The following HEATR5A variants were observed in gnomAD, a reference collection of about 807,000 sequenced individuals.
The protein encoded by HEATR5A is HEAT repeat containing 5A, also known as HEAT repeat-containing protein 5A.
Under a neutral mutation model 218.8 loss-of-function variants are expected in HEATR5A, and 178 were observed. The observed-to-expected ratio is 0.81, with a 90% confidence interval of 0.72 to 0.92. HEATR5A has a LOEUF of 0.92. Ranked by LOEUF, HEATR5A falls within the 40% of genes least tolerant of loss-of-function variation. HEATR5A has a pLI of 0.00. For missense variants in HEATR5A, 2,420 were observed against 2,418.9 expected (o/e 1.00, Z -0.01); for synonymous variants, 864 against 871.6 (o/e 0.99, Z 0.15).
At chr14:31,357,947 G>A (rs1901482820) in intron 16 of HEATR5A, among the ~76,000 whole-genome samples, 1 of 152,216 alleles carries the variant, frequency 6.6e-6, no homozygotes, top group African/African-American at 2.4e-5. Context: ...ACAGCAGGAG[G>A]TGAGTGGCGG....
At chr14:31,378,803 A>G (rs1357440933) in intron 11 of HEATR5A, among the ~76,000 whole-genome samples, 232 of 136,974 alleles carry the variant, frequency 1.7e-3, no homozygotes, top group African/African-American at 6.6e-3. Context: ...AAAACAAACA[A>G]AAAAAAAAAA....
At chr14:31,318,384 A>G in intron 25 of HEATR5A, 92 bp from the exon 26 acceptor site, 4 of 904,310 alleles carry the variant, frequency 4.4e-6, no homozygotes, top group Non-Finnish European at 6.8e-6. Context: ...TTATTTATTT[A>G]TAACAGGTAT....
chr14:31,371,471 A>G, intron 13 of HEATR5A: 1 of 162,926 alleles, frequency 6.1e-6, no homozygotes, highest in African/African-American at 2.4e-5. Flanking sequence ...AAAAATATAA[A>G]CAAACAAAAA....
chr14:31,313,119 G>A lies in HEATR5A; in HGVS notation c.4290C>T (p.Asp1430=), dbSNP rs748084873. The change falls in exon 28 of 36, where the codon GAC becomes GAT. Residue 1430 remains aspartate (D), a synonymous_variant. Transcript: ENST00000543095. ...QPLKTTTCLE[D]GIRNGSCSSD... is the part of the protein sequence containing the mutation. ...ATGAACATGATCCATTTCTGATACC[G>A]TCTTCTAAACAGGTGGTAGTCTTCA... 3.0e-5 allele frequency: 49 copies of A among 1,613,654 alleles called. No individual in the cohort carries two copies. Among genetic ancestry groups the A allele is most frequent in the Middle Eastern group, 3.3e-4 (2 of 6,082 alleles).
chr14:31,382,470 G>A (rs2030033190), intron 10 of HEATR5A, among the ~76,000 whole-genome samples: 1 of 152,106 alleles, frequency 6.6e-6, no homozygotes. Flanking sequence ...ACGAGTTTGT[G>A]AGAAGTATGG....
chr14:31,387,247 G>A lies in HEATR5A; in HGVS notation c.1062C>T (p.Ala354=), dbSNP rs773375883. ...HPKATQTQID[A]VCCRRCVSFI... ...ATGAAACACAACGGCGACAGCAGAC[G>A]GCATCGATCTGAGTTTGGGTGGCTT... Residue 354 remains alanine (A), a synonymous_variant, in exon 8 of 36, where the codon GCC becomes GCT. Coordinates refer to ENST00000543095, the MANE Select transcript of HEATR5A (RefSeq NM_015473.4). The A allele has an allele frequency of 8.7e-6, 14 of 1,613,798 alleles. No individual in the cohort carries two copies. Among genetic ancestry groups the A allele is most frequent in the South Asian group, 6.6e-5 (6 of 91,080 alleles).
chr14:31,401,555 G>A (rs1299567304), intron 2 of HEATR5A, among the ~76,000 whole-genome samples: 2 of 152,162 alleles, frequency 1.3e-5, no homozygotes, highest in Non-Finnish European at 2.9e-5. Flanking sequence ...TATGTTGCCT[G>A]GGGTAGAGTG....
chr14:31,293,800 G>T, intron 35 of HEATR5A, 91 bp downstream of exon 35: 2 of 1,131,406 alleles, frequency 1.8e-6, no homozygotes, highest in Non-Finnish European at 2.6e-6. Context: ...GTGAAATACA[G>T]ATATAATGTG....
At chr14:31,326,878 G>A (rs956793240) in intron 22 of HEATR5A, among the ~76,000 whole-genome samples, 1 of 151,752 alleles carries the variant, frequency 6.6e-6, no homozygotes, top group South Asian at 2.1e-4. Flanking sequence ...TTCCTGACCT[G>A]AGGCGATCCA....
intron 6 of HEATR5A, among the ~76,000 whole-genome samples, chr14:31,391,519 A>C (rs2030452552): frequency 6.6e-6 from 1 of 150,584 alleles, no homozygotes; most frequent in Admixed American, 6.6e-5. Context: ...AACTTTTAGT[A>C]AACAAAGGCT....
In HEATR5A at chr14:31,349,772, A is replaced by C. The variant is rs1401898679; in HGVS notation, c.2708+17T>G. ...TTGAAACATAGCCTCTGAATATTAA[A>C]TAAGAAATTCACTTACTTGTCAAAG... On this transcript the variant is annotated intron_variant, in intron 18 of 35. Transcript: ENST00000543095. 1 of 1,576,844 alleles carries C rather than the reference A, an allele frequency of 6.3e-7. No individual in the cohort carries two copies. Among genetic ancestry groups the C allele is most frequent in the Non-Finnish European group, 8.7e-7 (1 of 1,148,406 alleles).
At chr14:31,304,760 T>C in intron 32 of HEATR5A, 145 bp downstream of exon 32, 1 of 832,390 alleles carries the variant, frequency 1.2e-6, no homozygotes, top group South Asian at 1.8e-5. Flanking sequence ...TAAAATGTAA[T>C]CCTAATCTTA....
intron 14 of HEATR5A, among the ~76,000 whole-genome samples, chr14:31,359,279 AGTGTAAGAGT>A (rs1170289434): frequency 0.067 from 6,859 of 102,598 alleles, 219 homozygotes; most frequent in African/African-American, 0.11. Context: ...AACATCTCAA[AGTGTAAGAGT>A]GTGTGTGTGT....
At chr14:31,337,060 T>C (rs1031265784) in intron 22 of HEATR5A, among the ~76,000 whole-genome samples, 3 of 152,220 alleles carry the variant, frequency 2.0e-5, no homozygotes, top group Non-Finnish European at 4.4e-5. Context: ...ACAGTGAAGA[T>C]ATGGTATTAT....
rs1239705246 is a variant in HEATR5A at position 31,293,912 on chromosome 14, T to C, written c.5812A>G (p.Thr1938Ala). 6.2e-7 allele frequency: 1 copy of C among 1,603,594 alleles called. No homozygotes were observed. The highest frequency in any genetic ancestry group is 1.7e-5 in the Admixed American group (1 of 58,440). ...TTACGATGGTGTTCTTCAGCAACAG[T>C]AACCAGTGTTTCTAAGACCTTTATG... Reference protein sequence around the residue: ...EGIKVLETLVTVAEEHHRAQL... With the variant: ...EGIKVLETLVAVAEEHHRAQL... Residue 1938 changes from threonine (T) to alanine (A), a missense_variant, in exon 35 of 36, where the codon ACT becomes GCT. Physicochemically the swap from Thr to Ala is moderately conservative, Grantham distance 58 (BLOSUM62 0). Transcript: ENST00000543095.
At chr14:31,390,871 A>C (rs145830815) in intron 6 of HEATR5A, among the ~76,000 whole-genome samples, 1 of 152,280 alleles carries the variant, frequency 6.6e-6, no homozygotes, top group Non-Finnish European at 1.5e-5. Context: ...GTTAACTACA[A>C]AACAGCTTCA....
At chr14:31,308,152 T>C in intron 29 of HEATR5A, 132 bp from the exon 30 acceptor site, 2 of 814,822 alleles carry the variant, frequency 2.5e-6, no homozygotes, top group South Asian at 4.0e-5. Context: ...TCACAATGAA[T>C]TTAAGACTAA....
chr14:31,343,279 G>A (rs1469296046), intron 21 of HEATR5A, among the ~76,000 whole-genome samples: 1 of 152,120 alleles, frequency 6.6e-6, no homozygotes, highest in Admixed American at 6.5e-5. Context: ...TTTTAGTAGA[G>A]ACGGGGTTTC....
intron 22 of HEATR5A, among the ~76,000 whole-genome samples, chr14:31,335,827 AT>A (rs1327397763): frequency 1.3e-5 from 2 of 151,826 alleles, no homozygotes; most frequent in African/African-American, 4.8e-5. Context: ...CTAATTTTTT[AT>A]ATTTTTAGTA....
Sources: allele counts gnomAD v4.1 joint callset (sites outside exome capture counted in the v4.1 genomes callset), GRCh38; gene constraint gnomAD v4.1.1; transcripts MANE v1.5; gene names NCBI Gene and HGNC (gene_info 2026-07-23, HGNC 2026-07-21).